Variants in ERC1 observed in about 807,000 individuals in gnomAD.
ERC1 encodes RAB6 interacting protein 2.
ERC1 carries 56 observed loss-of-function variants against 132.0 expected under a neutral mutation model. That is an observed-to-expected ratio of 0.42 (90% CI 0.34 to 0.53). The LOEUF (loss-of-function observed/expected upper bound fraction) is 0.53, where lower values mean the gene tolerates loss of function less well. ERC1 is among the 20% of genes least tolerant of loss of function. The pLI is 0.03. For missense variants in ERC1, 1,202 were observed against 1,349.9 expected (o/e 0.89, Z 1.72); for synonymous variants, 478 against 476.1 (o/e 1.00, Z -0.05).
intron 16 of ERC1, among the ~76,000 whole-genome samples, chr12:1,407,372 A>G (rs181515597): frequency 2.0e-5 from 3 of 152,122 alleles, no homozygotes; most frequent in Admixed American, 2.0e-4. Context: ...TGATTTTTTT[A>G]TTGAGACCCT....
Position 1,083,253 on chromosome 12 carries a change from G to T in ERC1, c.759G>T (p.Arg253Ser), listed in dbSNP as rs147755448. 9.7e-5 allele frequency: 157 copies of T among 1,614,210 alleles called. No homozygotes were observed. In the African/African-American group the frequency reaches 1.8e-3, roughly 19 times the overall value. The change falls in exon 3 of 19, where the codon AGG becomes AGT. Residue 253 changes from arginine to serine, a missense_variant. Arg to Ser is a moderately radical substitution (Grantham distance 110, BLOSUM62 -1). Transcript: ENST00000360905. The part of the protein sequence containing the change: ...NQLFQQDSSS[R>S]TGEPCVAELT... Reference sequence around the variant, plus strand: ...TGTTTCAGCAGGATAGTAGCAGCAGGACTGGCGAACCTTGTGTAGCAGAGC... The same window carrying T: ...TGTTTCAGCAGGATAGTAGCAGCAGTACTGGCGAACCTTGTGTAGCAGAGC...
At chr12:1,314,575 A>G (rs2081554844) in intron 15 of ERC1, among the ~76,000 whole-genome samples, 1 of 151,074 alleles carries the variant, frequency 6.6e-6, no homozygotes, top group South Asian at 2.1e-4. Context: ...TGAATTTTTG[A>G]CAAGCACACA....
At chr12:1,394,045 C>CAAAAAAA (rs2090268872) in intron 16 of ERC1, among the ~76,000 whole-genome samples, 1 of 57,868 alleles carries the variant, frequency 1.7e-5, no homozygotes, top group African/African-American at 5.8e-5. Context: ...AAAAAAAAAA[C>CAAAAAAA]CACAAAGCAT....
rs1312321622 is a variant in ERC1 at position 1,182,009 on chromosome 12, C to T, written c.1960C>T (p.Leu654Phe). ...QEEIDNYKKD[L>F]KDLKEKVSLL... The stretch of plus-strand genomic sequence containing the variant: ...GGAAATTGATAACTACAAAAAAGAT[C>T]TTAAAGACTTGAAGGAAAAAGTCAG... The change falls in exon 10 of 19, where the codon CTT becomes TTT. Residue 654 changes from leucine to phenylalanine, a missense_variant. Leu to Phe is a conservative substitution (Grantham distance 22). Coordinates refer to ENST00000360905, the MANE Select transcript of ERC1 (RefSeq NM_178040.4). 5.6e-6 allele frequency: 9 copies of T among 1,613,956 alleles called. No individual in the cohort carries two copies. Among genetic ancestry groups the T allele is most frequent in the Non-Finnish European group, 6.8e-6 (8 of 1,179,948 alleles).
chr12:1,029,129 G>A (rs537047816), intron 2 of ERC1, among the ~76,000 whole-genome samples: 13 of 152,218 alleles, frequency 8.5e-5, no homozygotes, highest in African/African-American at 2.6e-4. Context: ...CGAGGTGGGC[G>A]GATCATTGAG....
chr12:1,494,183 C>G lies in ERC1; in HGVS notation c.*3953C>G. 2 of 232,426 alleles carry G rather than the reference C, an allele frequency of 8.6e-6. No individual in the cohort carries two copies. Among genetic ancestry groups the G allele is most frequent in the Non-Finnish European group, 1.7e-5 (2 of 117,540 alleles). 14.4% of individuals were successfully genotyped at this position (232,426 alleles called of 1,614,324 possible). A position where few individuals can be genotyped will look rare whatever the true frequency, so the allele number is the denominator to read the frequency against. On this transcript the variant is annotated 3_prime_UTR_variant, in exon 19 of 19. Transcript: ENST00000360905. Reference sequence around the variant, plus strand: ...AAATACCAGTAATTTAACATCTGCTCCTGGCCTCCTCTTCACCTGCCTGGG... The same window carrying G: ...AAATACCAGTAATTTAACATCTGCTGCTGGCCTCCTCTTCACCTGCCTGGG...
At chr12:1,096,092 A>G (rs1191468577) in intron 3 of ERC1, among the ~76,000 whole-genome samples, 1 of 151,982 alleles carries the variant, frequency 6.6e-6, no homozygotes, top group Non-Finnish European at 1.5e-5. Flanking sequence ...ACACCCAGCT[A>G]GTTTTATGTG....
intron 4 of ERC1, among the ~76,000 whole-genome samples, chr12:1,108,843 C>A (rs773131141): frequency 6.6e-6 from 1 of 152,108 alleles, no homozygotes; most frequent in Non-Finnish European, 1.5e-5. Flanking sequence ...AGGAATACAT[C>A]CTCTCCTCCC....
intron 2 of ERC1, among the ~76,000 whole-genome samples, chr12:1,059,388 A>G (rs79155490): frequency 0.035 from 5,344 of 152,220 alleles, 303 homozygotes; most frequent in African/African-American, 0.12. Context: ...AGAATGGTGA[A>G]AAGTTGGCAT....
chr12:1,378,281 G>A (rs1327966351), intron 16 of ERC1, among the ~76,000 whole-genome samples: 2 of 152,150 alleles, frequency 1.3e-5, no homozygotes, highest in South Asian at 4.1e-4. Context: ...ATTTAGGACC[G>A]CCAAGTTGGA....
chr12:1,141,772 T>G lies in ERC1; in HGVS notation c.1722T>G (p.Asn574Lys). The G allele has an allele frequency of 6.2e-7, 1 of 1,602,624 alleles. No individual in the cohort carries two copies. The highest frequency in any genetic ancestry group is 1.1e-5 in the South Asian group (1 of 88,242). The stretch of plus-strand genomic sequence containing the variant: ...TGGATGTGAAGGAGCGGAAGGTTAA[T>G]GTTCTTCAGAAGAAGGTAAGGTACA... ...DMLDVKERKV[N>K]VLQKKIENLQ... Residue 574 changes from asparagine to lysine, a missense_variant, in exon 8 of 19, where the codon AAT becomes AAG. Physicochemically the swap from Asn to Lys is moderately conservative, Grantham distance 94 (BLOSUM62 0). Transcript: ENST00000360905.
chr12:1,261,799 T>C (rs1477314131), intron 13 of ERC1, among the ~76,000 whole-genome samples: 1 of 152,174 alleles, frequency 6.6e-6, no homozygotes, highest in Admixed American at 6.6e-5. Context: ...GAATGAAAAC[T>C]TGTAACATGA....
intron 2 of ERC1, among the ~76,000 whole-genome samples, chr12:1,047,357 T>C (rs1431118024): frequency 2.0e-5 from 3 of 152,178 alleles, no homozygotes; most frequent in Non-Finnish European, 4.4e-5. Context: ...AATTGTTAAA[T>C]GGCTTTTTTA....
At chr12:1,169,043 G>C (rs980025363) in intron 8 of ERC1, among the ~76,000 whole-genome samples, 1 of 152,014 alleles carries the variant, frequency 6.6e-6, no homozygotes, top group Non-Finnish European at 1.5e-5. Flanking sequence ...ACCATCTATG[G>C]AACAACCAAG....
chr12:1,245,699 T>G (rs1331713505), intron 13 of ERC1, among the ~76,000 whole-genome samples: 1 of 152,182 alleles, frequency 6.6e-6, no homozygotes, highest in African/African-American at 2.4e-5. Context: ...AAATGATACC[T>G]GAAAAACTAA....
At chr12:1,300,508 A>G (rs2080305658) in intron 15 of ERC1, among the ~76,000 whole-genome samples, 2 of 152,200 alleles carry the variant, frequency 1.3e-5, no homozygotes, top group Non-Finnish European at 2.9e-5. Context: ...AACTACCAAG[A>G]GAGTAAACAG....
chr12:1,036,120 C>T lies in ERC1; in HGVS notation c.669+7548C>T, dbSNP rs149616618. ...CAAAATACTGTTTAATATTATAGGA[C>T]GGCAGGTGAATTTAATGTTTTTTGC... On this transcript the variant is annotated intron_variant, in intron 2 of 18. Coordinates refer to ENST00000360905, the MANE Select transcript of ERC1 (RefSeq NM_178040.4). Among the ~76,000 whole-genome samples the T allele has an allele frequency of 6.4e-4, 98 of 152,122 alleles. 1 individual carries two copies. In the East Asian group the frequency reaches 0.017, roughly 27 times the overall value.
chr12:1,471,515 C>T (rs531428820), intron 18 of ERC1, among the ~76,000 whole-genome samples: 6 of 152,274 alleles, frequency 3.9e-5, no homozygotes, highest in South Asian at 2.1e-4. Flanking sequence ...GTCCAGATAA[C>T]GGTTTAAAAC....
At chr12:1,123,528 T>A (rs1205206457) in intron 7 of ERC1, among the ~76,000 whole-genome samples, 1 of 151,918 alleles carries the variant, frequency 6.6e-6, no homozygotes, top group Non-Finnish European at 1.5e-5. Context: ...TAGAAAAAAA[T>A]TTAAAAATAA....
Sources: gnomAD v4.1 joint callset for allele counts (sites outside exome capture counted in the v4.1 genomes callset) on GRCh38, gnomAD v4.1.1 for gene constraint, MANE v1.5 for transcripts, NCBI Gene and HGNC (gene_info 2026-07-23, HGNC 2026-07-21) for gene names.